GUCY1A2: variants seen among roughly 807,000 people sequenced by gnomAD.
GUCY1A2 encodes guanylate cyclase soluble subunit alpha-2.
In GUCY1A2, 27 loss-of-function variants were observed where a neutral mutation model predicts 63.5. That is an observed-to-expected ratio of 0.43 (90% CI 0.31 to 0.59). The LOEUF is 0.59. GUCY1A2 is among the 20% of genes least tolerant of loss of function. The probability of loss-of-function intolerance (pLI) is 0.11; values close to 1 mark genes in which losing one functional copy is unlikely to be tolerated. For synonymous variants in GUCY1A2, 364 were observed against 343.5 expected (o/e 1.06, Z -0.66); for missense variants, 768 against 913.3 (o/e 0.84, Z 2.05).
At chr11:106,844,669 A>G (rs1859247337) in intron 4 of GUCY1A2, among the ~76,000 whole-genome samples, 1 of 151,832 alleles carries the variant, frequency 6.6e-6, no homozygotes, top group Admixed American at 6.6e-5. Flanking sequence ...CATAAAAACC[A>G]GGATTGTACT....
At chr11:106,851,524 G>C (rs1364997924) in intron 4 of GUCY1A2, among the ~76,000 whole-genome samples, 1 of 151,856 alleles carries the variant, frequency 6.6e-6, no homozygotes, top group African/African-American at 2.4e-5. Flanking sequence ...GTTGGTTTCT[G>C]TCTATGGTGA....
At chr11:106,691,931 C>G (rs1029073869) in intron 7 of GUCY1A2, among the ~76,000 whole-genome samples, 1 of 152,292 alleles carries the variant, frequency 6.6e-6, no homozygotes. Context: ...ATAGGACAAT[C>G]TGAATGACTT....
At chr11:107,004,968 T>C (rs1861654183) in intron 1 of GUCY1A2, among the ~76,000 whole-genome samples, 1 of 152,218 alleles carries the variant, frequency 6.6e-6, no homozygotes, top group South Asian at 2.1e-4. Context: ...TGATGTTCTC[T>C]GTTAAAGTCC....
At chr11:106,708,809 AT>A in intron 6 of GUCY1A2, 143 bp from the exon 7 acceptor site, 1 of 478,338 alleles carries the variant, frequency 2.1e-6, no homozygotes, top group East Asian at 3.4e-5. Context: ...AGTCCTGGTC[AT>A]TTTTGTGAGC....
intron 3 of GUCY1A2, among the ~76,000 whole-genome samples, chr11:106,960,643 G>T (rs1397263388): frequency 6.6e-6 from 1 of 152,124 alleles, no homozygotes; most frequent in East Asian, 1.9e-4. Flanking sequence ...GGGAAATGTA[G>T]ATAATGTAGA....
chr11:106,851,651 G>A (rs79064705), intron 4 of GUCY1A2, among the ~76,000 whole-genome samples: 3,595 of 151,978 alleles, frequency 0.024, 136 homozygotes, highest in African/African-American at 0.08. Context: ...TTGAAAGTCA[G>A]TTGGCTGTAA....
At chr11:106,734,233 C>A (rs1209666620) in intron 6 of GUCY1A2, among the ~76,000 whole-genome samples, 1 of 152,074 alleles carries the variant, frequency 6.6e-6, no homozygotes, top group Non-Finnish European at 1.5e-5. Context: ...AAACTGCACT[C>A]CAAATTCTTT....
chr11:106,865,922 A>G (rs1859586039), intron 4 of GUCY1A2, among the ~76,000 whole-genome samples: 1 of 151,646 alleles, frequency 6.6e-6, no homozygotes, highest in African/African-American at 2.4e-5. Flanking sequence ...ATGCATATGG[A>G]AATTATTTCC....
At position 106,708,579 on chromosome 11, in the gene GUCY1A2, T is replaced by C. The variant is rs1391149705; in HGVS notation, c.1924A>G (p.Thr642Ala). Residue 642 changes from threonine to alanine, a missense_variant, in exon 7 of 8, where the codon ACA becomes GCA. Coordinates refer to ENST00000526355, the MANE Select transcript of GUCY1A2 (RefSeq NM_000855.3). Reference sequence around the variant, plus strand: ...CCCGACTCGAATTTGCTTGCCAGTGTGACATTATTTCCAAACAGGCAATAA... The same window carrying C: ...CCCGACTCGAATTTGCTTGCCAGTGCGACATTATTTCCAAACAGGCAATAA... ...PRYCLFGNNV[T>A]LASKFESGSH... is the part of the protein sequence containing the mutation. The C allele has an allele frequency of 1.2e-6, 2 of 1,613,000 alleles. No individual in the cohort carries two copies. Among genetic ancestry groups the C allele is most frequent in the African/African-American group, 1.3e-5 (1 of 74,784 alleles).
intron 4 of GUCY1A2, among the ~76,000 whole-genome samples, chr11:106,861,568 A>G (rs1859513074): frequency 6.6e-6 from 1 of 152,038 alleles, no homozygotes; most frequent in South Asian, 2.1e-4. Flanking sequence ...GAGTCATTAC[A>G]GCTATGGTTA....
At chr11:106,749,051 A>G (rs1211810530) in intron 6 of GUCY1A2, among the ~76,000 whole-genome samples, 2 of 152,032 alleles carry the variant, frequency 1.3e-5, no homozygotes, top group African/African-American at 4.8e-5. Context: ...TTTTCACTAT[A>G]CCTTTTCTTG....
chr11:106,706,844 T>C (rs1294292186), intron 7 of GUCY1A2, among the ~76,000 whole-genome samples: 1 of 152,130 alleles, frequency 6.6e-6, no homozygotes, highest in East Asian at 1.9e-4. Flanking sequence ...GAATCACTGA[T>C]CTCTACTAGA....
rs192458469 is a variant in GUCY1A2, at chr11:106,808,093, A to G, written c.1692+1900T>C. Among the ~76,000 whole-genome samples, 15 of 152,220 alleles carry G rather than the reference A, an allele frequency of 9.9e-5. No homozygotes were observed. The East Asian group carries it at 2.7e-3, about 28-fold the overall frequency. On this transcript the variant is annotated intron_variant, in intron 5 of 7. Transcript: ENST00000526355. Reference sequence around the variant, plus strand: ...AATACTCCTTAATAAACTCCCTTTCATATATACATCTATCCTATTAGTCCC... The same window carrying G: ...AATACTCCTTAATAAACTCCCTTTCGTATATACATCTATCCTATTAGTCCC...
intron 6 of GUCY1A2, among the ~76,000 whole-genome samples, chr11:106,754,199 T>C (rs1313796651): frequency 6.6e-6 from 1 of 152,200 alleles, no homozygotes; most frequent in African/African-American, 2.4e-5. Context: ...TTTTGCACAT[T>C]GATTTTGTAT....
intron 5 of GUCY1A2, among the ~76,000 whole-genome samples, chr11:106,803,301 T>A (rs903861897): frequency 4.6e-5 from 7 of 152,148 alleles, no homozygotes; most frequent in Admixed American, 4.6e-4. Context: ...GATGGAAGCA[T>A]CTTTAAGAAT....
At chr11:106,929,903 T>C (rs1253617034) in intron 4 of GUCY1A2, among the ~76,000 whole-genome samples, 2 of 152,208 alleles carry the variant, frequency 1.3e-5, no homozygotes, top group Non-Finnish European at 2.9e-5. Context: ...TCCTTTCTTA[T>C]AACATTTTCA....
chr11:106,874,726 C>A (rs1329624366), intron 4 of GUCY1A2, among the ~76,000 whole-genome samples: 1 of 151,544 alleles, frequency 6.6e-6, no homozygotes, highest in Non-Finnish European at 1.5e-5. Flanking sequence ...CTCTCTGCCT[C>A]TTAGGTTATA....
At chr11:106,917,940 TAA>T (rs1323217617) in intron 4 of GUCY1A2, among the ~76,000 whole-genome samples, 3 of 104,246 alleles carry the variant, frequency 2.9e-5, no homozygotes, top group African/African-American at 3.4e-5. Context: ...ACTTAAAGTA[TAA>T]AAAAAAAAAA....
At chr11:106,915,283 C>G (rs557499644) in intron 4 of GUCY1A2, among the ~76,000 whole-genome samples, 5 of 152,048 alleles carry the variant, frequency 3.3e-5, no homozygotes, top group African/African-American at 1.2e-4. Flanking sequence ...CTGAATATAG[C>G]CTGTGGATCA....
Sources: allele counts gnomAD v4.1 joint callset (sites outside exome capture counted in the v4.1 genomes callset), GRCh38; gene constraint gnomAD v4.1.1; transcripts MANE v1.5; gene names NCBI Gene and HGNC (gene_info 2026-07-23, HGNC 2026-07-21).